The following ST8SIA1 variants were observed in gnomAD, a reference collection of about 807,000 sequenced individuals.
ST8SIA1 encodes the protein ST8 alpha-N-acetyl-neuraminide alpha-2,8-sialyltransferase 1.
In ST8SIA1, 16 loss-of-function variants were observed where a neutral mutation model predicts 35.9. The observed-to-expected ratio is 0.45, with a 90% confidence interval of 0.30 to 0.68. ST8SIA1 has a LOEUF of 0.68. Among genes scored for constraint, ST8SIA1 ranks in the 30% least tolerant of loss-of-function variants. The pLI, the probability that ST8SIA1 is intolerant of heterozygous loss-of-function variation, is 0.09. For synonymous variants in ST8SIA1, 170 were observed against 169.6 expected (o/e 1.00, Z -0.02); for missense variants, 383 against 453.6 (o/e 0.84, Z 1.41).
chr12:22,283,665 C>G (rs1866062683), intron 2 of ST8SIA1, among the ~76,000 whole-genome samples: 1 of 152,132 alleles, frequency 6.6e-6, no homozygotes, highest in Non-Finnish European at 1.5e-5. Context: ...ATTTATAGAG[C>G]CCTTTGGAAA....
intron 4 of ST8SIA1, among the ~76,000 whole-genome samples, chr12:22,204,025 T>A (rs1288195327): frequency 6.6e-6 from 1 of 152,182 alleles, no homozygotes; most frequent in African/African-American, 2.4e-5. Flanking sequence ...GCTGTCTGGC[T>A]TTCTGCATCC....
At chr12:22,216,048 C>A (rs141433001) in intron 4 of ST8SIA1, among the ~76,000 whole-genome samples, 1 of 152,296 alleles carries the variant, frequency 6.6e-6, no homozygotes, top group African/African-American at 2.4e-5. Context: ...TGAGAAAGAA[C>A]GCTTTGCTGT....
At chr12:22,272,613 A>C (rs1367116722) in intron 2 of ST8SIA1, among the ~76,000 whole-genome samples, 2 of 152,234 alleles carry the variant, frequency 1.3e-5, no homozygotes, top group Admixed American at 1.3e-4. Flanking sequence ...ACAGTATGTC[A>C]ATTTCAAAGA....
At chr12:22,304,772 C>G (rs1012948322) in intron 1 of ST8SIA1, among the ~76,000 whole-genome samples, 1 of 152,116 alleles carries the variant, frequency 6.6e-6, no homozygotes, top group Admixed American at 6.5e-5. Flanking sequence ...TTTGGAGACC[C>G]AGGATTCAAT....
chr12:22,208,164 A>C (rs1865136114), intron 4 of ST8SIA1, among the ~76,000 whole-genome samples: 1 of 151,664 alleles, frequency 6.6e-6, no homozygotes, highest in African/African-American at 2.4e-5. Flanking sequence ...AAGCAAAATC[A>C]ATAATAAAAC....
intron 4 of ST8SIA1, among the ~76,000 whole-genome samples, chr12:22,237,812 T>A (rs1289207228): frequency 6.6e-6 from 1 of 152,056 alleles, no homozygotes; most frequent in Non-Finnish European, 1.5e-5. Context: ...TTAAAATAAT[T>A]ATTATTTATT....
chr12:22,243,066 TCTAA>T (rs79649929), intron 4 of ST8SIA1, among the ~76,000 whole-genome samples: 182 of 152,338 alleles, frequency 1.2e-3, no homozygotes, highest in Non-Finnish European at 1.1e-3. Context: ...TATTGCCTTC[TCTAA>T]CTTTCTTTTT....
chr12:22,269,899 A>T (rs1176649703), intron 2 of ST8SIA1, among the ~76,000 whole-genome samples: 2 of 152,192 alleles, frequency 1.3e-5, no homozygotes, highest in East Asian at 3.8e-4. Context: ...TTTAAGATAA[A>T]TCCTTAAATA....
chr12:22,242,210 T>C (rs1865549020), intron 4 of ST8SIA1, among the ~76,000 whole-genome samples: 1 of 152,182 alleles, frequency 6.6e-6, no homozygotes, highest in African/African-American at 2.4e-5. Flanking sequence ...GGACAAACTC[T>C]TGACAGTTCC....
intron 2 of ST8SIA1, among the ~76,000 whole-genome samples, chr12:22,260,358 C>T (rs539446427): frequency 2.0e-5 from 3 of 152,154 alleles, no homozygotes; most frequent in Admixed American, 6.5e-5. Flanking sequence ...GACGAGATTT[C>T]GCCGTGCTGC....
intron 2 of ST8SIA1, among the ~76,000 whole-genome samples, chr12:22,264,241 T>TA (rs1865822613): frequency 2.0e-5 from 3 of 152,146 alleles, no homozygotes; most frequent in Non-Finnish European, 4.4e-5. Context: ...CTCCTTAACA[T>TA]ATTTAATTGC....
chr12:22,211,952 C>T (rs1382138428), intron 4 of ST8SIA1, among the ~76,000 whole-genome samples: 2 of 152,152 alleles, frequency 1.3e-5, no homozygotes, highest in Non-Finnish European at 2.9e-5. Context: ...CACAGGTGAT[C>T]CACGCACCTC....
intron 4 of ST8SIA1, 31 bp from the exon 5 acceptor site, chr12:22,202,069 A>C: frequency 6.5e-7 from 1 of 1,528,532 alleles, no homozygotes; most frequent in Non-Finnish European, 8.7e-7. Context: ...TGTTCAATTA[A>C]ACCTAGAGAA....
At position 22,287,144 on chromosome 12, in the gene ST8SIA1, CTAACCTG is replaced by C; in HGVS notation, c.379_381+4del. The C allele has an allele frequency of 6.2e-7, 1 of 1,613,198 alleles. No homozygotes were observed. Among genetic ancestry groups the C allele is most frequent in the Non-Finnish European group, 8.5e-7 (1 of 1,179,508 alleles). On this transcript the variant is annotated splice_donor_variant and splice_donor_region_variant and coding_sequence_variant and intron_variant, in exon 2 of 5. Transcript: ENST00000396037. LOFTEE classifies it high-confidence loss of function. ...CATACTGAAGGCAACCAACTCTATA[CTAACCTG>C]TGGGAAGAGAGAGTAAGTTGAATTG...
chr12:22,218,733 T>C (rs1274513510), intron 4 of ST8SIA1, among the ~76,000 whole-genome samples: 1 of 151,694 alleles, frequency 6.6e-6, no homozygotes, highest in Non-Finnish European at 1.5e-5. Context: ...GACAAAAGAA[T>C]TGCTTGAACC....
intron 4 of ST8SIA1, among the ~76,000 whole-genome samples, chr12:22,238,680 CCCT>C (rs1865504084): frequency 6.6e-6 from 1 of 152,180 alleles, no homozygotes; most frequent in African/African-American, 2.4e-5. Context: ...TTCAATCTCC[CCCT>C]CCTAACTTAT....
At chr12:22,300,075 A>C (rs1866300084) in intron 1 of ST8SIA1, among the ~76,000 whole-genome samples, 1 of 152,132 alleles carries the variant, frequency 6.6e-6, no homozygotes, top group Admixed American at 6.6e-5. Flanking sequence ...TAAGATTTAA[A>C]AGAATTATTT....
At chr12:22,314,574 G>A (rs1411142826) in intron 1 of ST8SIA1, among the ~76,000 whole-genome samples, 1 of 152,144 alleles carries the variant, frequency 6.6e-6, no homozygotes, top group Non-Finnish European at 1.5e-5. Flanking sequence ...CACATTCCAT[G>A]ATATAGAGCA....
intron 2 of ST8SIA1, among the ~76,000 whole-genome samples, chr12:22,263,207 A>C (rs1275286014): frequency 6.6e-6 from 1 of 152,204 alleles, no homozygotes; most frequent in East Asian, 1.9e-4. Context: ...AGATATTCGA[A>C]ATGTTCTCTA....
Sources: allele counts gnomAD v4.1 joint callset (sites outside exome capture counted in the v4.1 genomes callset), GRCh38; gene constraint gnomAD v4.1.1; transcripts MANE v1.5; gene names NCBI Gene and HGNC (gene_info 2026-07-23, HGNC 2026-07-21).